PPEF1: variants seen among roughly 807,000 people sequenced by gnomAD.
PPEF1 encodes the protein serine/threonine-protein phosphatase with EF-hands 1.
Under a neutral mutation model 53.3 loss-of-function variants are expected in PPEF1, and 12 were observed. The ratio of observed to expected loss-of-function variants is 0.23; its 90% confidence interval spans 0.14 to 0.36. The LOEUF (loss-of-function observed/expected upper bound fraction) is 0.36. Among genes scored for constraint, PPEF1 ranks in the 10% least tolerant of loss-of-function variants. The pLI, the probability that PPEF1 is intolerant of heterozygous loss-of-function variation, is 1.00. For missense variants in PPEF1, 334 were observed against 490.4 expected, an observed-to-expected ratio of 0.68 and a Z score of 3.01; for synonymous variants, 165 against 176.7, an observed-to-expected ratio of 0.93 and a Z score of 0.52.
At chrX:18,740,414 T>C (rs1271662378) in intron 3 of PPEF1, among the ~76,000 whole-genome samples, 1 of 42,259 alleles carries the variant, frequency 2.4e-5, no homozygotes, top group Admixed American at 1.9e-4. Context: ...TCTCTCTCTC[T>C]TTTTTTTTTT....
At chrX:18,724,259 G>T (rs760555107) in intron 1 of PPEF1, among the ~76,000 whole-genome samples, 78 of 111,534 alleles carry the variant, frequency 7.0e-4, no homozygotes, top group Non-Finnish European at 1.1e-3. Flanking sequence ...TGTAAAATAG[G>T]GACAGTCACA....
At chrX:18,677,694 G>T (rs994301884) in intron 1 of PPEF1, among the ~76,000 whole-genome samples, 8 of 111,445 alleles carry the variant, frequency 7.2e-5, no homozygotes, top group African/African-American at 2.6e-4. Context: ...ACTTCTGGAA[G>T]TCCCCTGCCA....
At chrX:18,692,083 A>G (rs1929424327) in intron 4 of PPEF1, among the ~76,000 whole-genome samples, 1 of 111,315 alleles carries the variant, frequency 9.0e-6, no homozygotes, top group Admixed American at 9.6e-5. Flanking sequence ...TTCTCTAATC[A>G]CTTCAGCTAT....
chrX:18,824,586 T>G (rs1164205027), intron 14 of PPEF1, among the ~76,000 whole-genome samples: 1 of 111,499 alleles, frequency 9.0e-6, no homozygotes, highest in Non-Finnish European at 1.9e-5. Flanking sequence ...AGAAAAAGCT[T>G]CCACAAGCAA....
intron 10 of PPEF1, among the ~76,000 whole-genome samples, chrX:18,794,216 G>A (rs191739590): frequency 7.1e-5 from 8 of 113,157 alleles, no homozygotes; most frequent in Admixed American, 2.8e-4. Context: ...TTTCTCATCT[G>A]TGTCTTTCCC....
At chrX:18,767,584 T>G (rs1392317750) in intron 6 of PPEF1, among the ~76,000 whole-genome samples, 1 of 112,158 alleles carries the variant, frequency 8.9e-6, no homozygotes, top group East Asian at 2.8e-4. Context: ...ATGGCACATT[T>G]TAAAAACTTC....
chrX:18,781,027 G>T (rs1469785601), intron 7 of PPEF1, among the ~76,000 whole-genome samples: 2 of 96,732 alleles, frequency 2.1e-5, no homozygotes, highest in Admixed American at 1.2e-4. Flanking sequence ...CTGCACTCCA[G>T]CCTGGGCGAC....
intron 1 of PPEF1, among the ~76,000 whole-genome samples, chrX:18,726,942 G>A (rs1354915319): frequency 8.9e-6 from 1 of 112,399 alleles, no homozygotes. Context: ...GATTACAGGC[G>A]TGAGCCATCG....
chrX:18,799,984 A>C (rs1314673037), intron 10 of PPEF1, among the ~76,000 whole-genome samples: 2 of 111,892 alleles, frequency 1.8e-5, no homozygotes. Flanking sequence ...AGACAGAAAA[A>C]AGAAATGCAG....
chrX:18,772,223 GTTT>G (rs1255972372), intron 6 of PPEF1, among the ~76,000 whole-genome samples: 2 of 110,606 alleles, frequency 1.8e-5, no homozygotes, highest in Non-Finnish European at 3.8e-5. Context: ...CATCACCAAG[GTTT>G]TTATCTTCAT....
chrX:18,694,248 A>G (rs1473903614), intron 4 of PPEF1, among the ~76,000 whole-genome samples: 2 of 111,996 alleles, frequency 1.8e-5, no homozygotes, highest in Non-Finnish European at 3.8e-5. Flanking sequence ...ATGAACCTGC[A>G]TACACGTTTT....
In PPEF1 at chrX:18,818,143, C is replaced by T; in HGVS notation, c.1499C>T (p.Ser500Leu). 8.5e-7 allele frequency: 1 copy of T among 1,169,759 alleles called. No homozygotes were observed. ...RAFQLQDHRKSGKLSVSQWAF... is the reference protein window; with the variant it reads ...RAFQLQDHRKLGKLSVSQWAF... Reference sequence around the variant, plus strand: ...TTCCAACTTCAAGACCACAGAAAATCAGGTAACAAATTTGCATAACATTTA... The same window carrying T: ...TTCCAACTTCAAGACCACAGAAAATTAGGTAACAAATTTGCATAACATTTA... The change falls in exon 13 of 16, where the codon TCA becomes TTA. Residue 500 changes from serine (S) to leucine (L), a missense_variant and splice_region_variant. Ser to Leu is a moderately radical substitution (Grantham distance 145). Transcript: ENST00000470157.
chrX:18,781,767 G>A (rs10521684), intron 7 of PPEF1, among the ~76,000 whole-genome samples: 53,559 of 109,863 alleles, frequency 0.49, 9,793 homozygotes, highest in Non-Finnish European at 0.54. Context: ...AGCAAGGAAA[G>A]GTAACAGAAA....
intron 8 of PPEF1, among the ~76,000 whole-genome samples, chrX:18,783,693 G>A (rs1423294956): frequency 7.7e-5 from 8 of 104,384 alleles, no homozygotes; most frequent in Admixed American, 1.0e-4. Context: ...ACTCCAATGC[G>A]CAACAGAGCG....
At chrX:18,816,997 T>C (rs2046929416) in intron 12 of PPEF1, among the ~76,000 whole-genome samples, 1 of 111,087 alleles carries the variant, frequency 9.0e-6, no homozygotes, top group African/African-American at 3.3e-5. Context: ...AATCTCTGCC[T>C]TTTGATTATT....
chrX:18,727,257 A>G (rs912038130), intron 1 of PPEF1, among the ~76,000 whole-genome samples: 5 of 111,049 alleles, frequency 4.5e-5, no homozygotes, highest in Non-Finnish European at 7.5e-5. Flanking sequence ...AGTGCCTAGG[A>G]AGTGGCACTG....
chrX:18,697,351 T>G (rs765645214), intron 4 of PPEF1, among the ~76,000 whole-genome samples: 73 of 111,608 alleles, frequency 6.5e-4, no homozygotes, highest in African/African-American at 2.3e-3. Context: ...GGCACCTTTA[T>G]GTAATTGCAG....
chrX:18,744,404 C>T (rs1288624200), intron 3 of PPEF1, among the ~76,000 whole-genome samples: 1 of 111,468 alleles, frequency 9.0e-6, no homozygotes, highest in Non-Finnish European at 1.9e-5. Flanking sequence ...TGTGCTACTA[C>T]TTTAAGAGCT....
chrX:18,722,495 T>C (rs1484164545), intron 1 of PPEF1, among the ~76,000 whole-genome samples: 2 of 112,212 alleles, frequency 1.8e-5, no homozygotes, highest in Non-Finnish European at 3.8e-5. Flanking sequence ...ATGTCTTGTT[T>C]GAAGAACTAT....
Sources: allele counts gnomAD v4.1 joint callset (sites outside exome capture counted in the v4.1 genomes callset), GRCh38; gene constraint gnomAD v4.1.1; transcripts MANE v1.5; gene names NCBI Gene and HGNC (gene_info 2026-07-23, HGNC 2026-07-21).